PGPEP1L: variants seen among roughly 807,000 people sequenced by gnomAD.
The protein encoded by PGPEP1L is pyroglutamyl-peptidase I like.
A neutral mutation model predicts 6.0 loss-of-function variants in PGPEP1L; 7 were observed. That is an observed-to-expected ratio of 1.17 (90% CI 0.66 to 2.19). The LOEUF (loss-of-function observed/expected upper bound fraction) is 2.19. Among genes scored for constraint, PGPEP1L ranks in the 30% most tolerant of loss-of-function variants. PGPEP1L has a pLI of 0.00. For synonymous variants in PGPEP1L, 103 were observed against 83.9 expected, an observed-to-expected ratio of 1.23 and a Z score of -1.24; for missense variants, 209 against 192.5, an observed-to-expected ratio of 1.09 and a Z score of -0.51.
chr15:99,006,555 G>A lies in PGPEP1L; in HGVS notation c.-370+804C>T, dbSNP rs540701542. The stretch of plus-strand genomic sequence containing the variant: ...AAACAAAACAAACTTTTGGCCAGGT[G>A]CACTGGCTCACGCCTTTAATTTCAG... On this transcript the variant is annotated intron_variant, in intron 1 of 4. Coordinates refer to ENST00000535714, the MANE Select transcript of PGPEP1L (RefSeq NM_001167902.2). Among the ~76,000 whole-genome samples the A allele has an allele frequency of 1.2e-4, 18 of 152,372 alleles. No homozygotes were observed. The East Asian group carries it at 3.1e-3, about 26-fold the overall frequency.
rs1305056004 is a variant in PGPEP1L at position 99,007,517 on chromosome 15, T to G, written c.-528A>C. 3 of 152,246 alleles carry G rather than the reference T, an allele frequency of 2.0e-5. No homozygotes were observed. Among genetic ancestry groups the G allele is most frequent in the Admixed American group, 6.5e-5 (1 of 15,272 alleles). 9.4% of individuals were successfully genotyped at this position (152,246 alleles called of 1,614,324 possible). On this transcript the variant is annotated 5_prime_UTR_variant, in exon 1 of 5. Transcript: ENST00000535714. ...TCGCATGTGTTCGGAGTTTCTTCCT[T>G]CTGGCAGATTCGTGATCTCGCTGAC...
chr15:98,996,581 A>T (rs1248159741), intron 2 of PGPEP1L, among the ~76,000 whole-genome samples: 1 of 151,424 alleles, frequency 6.6e-6, no homozygotes, highest in East Asian at 1.9e-4. Flanking sequence ...TGCATGTATT[A>T]TGTGTGTTGT....
chr15:98,979,707 A>G (rs4966052), intron 2 of PGPEP1L, among the ~76,000 whole-genome samples: 128,311 of 143,558 alleles, frequency 0.89, 57,580 homozygotes, highest in South Asian at 0.94. Flanking sequence ...CTGGCGTGCC[A>G]TGGCACAATC....
At position 98,981,263 on chromosome 15, in the gene PGPEP1L, C is replaced by T. The variant is rs548945268; in HGVS notation, c.-141-10105G>A. On this transcript the variant is annotated intron_variant, in intron 2 of 4. Transcript: ENST00000535714. ...ATCCCAGCACTTTGGGAGGCCGAGGCGGGCGGATCACGAGGTCAGGAGATC... is the reference window on the plus strand; with the variant it reads ...ATCCCAGCACTTTGGGAGGCCGAGGTGGGCGGATCACGAGGTCAGGAGATC... Among the ~76,000 whole-genome samples, 51 of 152,064 alleles carry T rather than the reference C, an allele frequency of 3.4e-4. 3 individuals are homozygous for T. The South Asian group carries it at 9.2e-3, about 27-fold the overall frequency.
intron 2 of PGPEP1L, among the ~76,000 whole-genome samples, chr15:98,993,369 G>C (rs1403413872): frequency 1.3e-5 from 2 of 152,186 alleles, no homozygotes; most frequent in African/African-American, 2.4e-5. Context: ...CTGGTCATTA[G>C]AGAAATGCAC....
chr15:99,003,424 G>GC, intron 2 of PGPEP1L, among the ~76,000 whole-genome samples: 1 of 150,514 alleles, frequency 6.6e-6, no homozygotes, highest in African/African-American at 2.5e-5. Flanking sequence ...AACTTGGTCA[G>GC]CCCCCAGTGC....
chr15:98,992,706 G>C (rs1416741036), intron 2 of PGPEP1L, among the ~76,000 whole-genome samples: 1 of 152,142 alleles, frequency 6.6e-6, no homozygotes, highest in Non-Finnish European at 1.5e-5. Flanking sequence ...ATACTACAAG[G>C]CTGCAGTAAC....
At chr15:98,992,150 A>C (rs941814189) in intron 2 of PGPEP1L, among the ~76,000 whole-genome samples, 1 of 152,242 alleles carries the variant, frequency 6.6e-6, no homozygotes, top group Admixed American at 6.5e-5. Flanking sequence ...GAAGAGAAGA[A>C]GTCAAATTGT....
chr15:98,982,239 T>G (rs1423508129), intron 2 of PGPEP1L, among the ~76,000 whole-genome samples: 2 of 152,232 alleles, frequency 1.3e-5, no homozygotes, highest in African/African-American at 4.8e-5. Context: ...CCATCTGCAC[T>G]CGCCTCGATC....
At chr15:98,982,208 T>C (rs574750590) in intron 2 of PGPEP1L, among the ~76,000 whole-genome samples, 1 of 152,324 alleles carries the variant, frequency 6.6e-6, no homozygotes, top group South Asian at 2.1e-4. Context: ...CCGTGGGGTC[T>C]CCTCCACCAA....
intron 2 of PGPEP1L, among the ~76,000 whole-genome samples, chr15:99,003,657 A>G (rs2018006611): frequency 1.3e-5 from 2 of 151,196 alleles, no homozygotes; most frequent in Admixed American, 6.6e-5. Flanking sequence ...TGCCCCTGGC[A>G]GCTCTAAGCA....
intron 3 of PGPEP1L, among the ~76,000 whole-genome samples, chr15:98,970,058 T>G (rs1322792909): frequency 6.6e-6 from 1 of 152,154 alleles, no homozygotes; most frequent in East Asian, 1.9e-4. Context: ...TGTATTTATT[T>G]ATTTTTATGA....
At chr15:98,970,554 TG>T (rs957128663) in intron 3 of PGPEP1L, among the ~76,000 whole-genome samples, 13 of 141,008 alleles carry the variant, frequency 9.2e-5, no homozygotes, top group Admixed American at 2.9e-4. Flanking sequence ...GGGTTTTTTT[TG>T]GGGGGGTGGG....
intron 2 of PGPEP1L, among the ~76,000 whole-genome samples, chr15:98,999,580 T>C (rs182075007): frequency 2.1e-3 from 321 of 152,312 alleles, no homozygotes; most frequent in African/African-American, 7.4e-3. Flanking sequence ...GACATTTATC[T>C]CAGAGAAATG....
intron 2 of PGPEP1L, among the ~76,000 whole-genome samples, chr15:98,995,217 G>C (rs1185827404): frequency 1.3e-5 from 2 of 151,990 alleles, no homozygotes; most frequent in African/African-American, 4.8e-5. Flanking sequence ...TTTATTTTCT[G>C]TCTTCTTTCT....
chr15:98,993,806 A>AG (rs1470975333), intron 2 of PGPEP1L, among the ~76,000 whole-genome samples: 1 of 151,494 alleles, frequency 6.6e-6, no homozygotes, highest in African/African-American at 2.4e-5. Context: ...CATGTACCCC[A>AG]GAACTTAAAG....
At chr15:98,981,306 C>T (rs1014299448) in intron 2 of PGPEP1L, among the ~76,000 whole-genome samples, 6 of 151,846 alleles carry the variant, frequency 4.0e-5, no homozygotes, top group Non-Finnish European at 8.8e-5. Context: ...TCCTGGCTAA[C>T]ACAGTGAAAC....
chr15:98,994,679 C>A (rs2017864195), intron 2 of PGPEP1L, among the ~76,000 whole-genome samples: 1 of 152,214 alleles, frequency 6.6e-6, no homozygotes, highest in Non-Finnish European at 1.5e-5. Context: ...CCCCTCCTTG[C>A]ATTTCACACT....
At chr15:98,970,071 C>T (rs148370801) in intron 3 of PGPEP1L, among the ~76,000 whole-genome samples, 47 of 152,184 alleles carry the variant, frequency 3.1e-4, no homozygotes, top group African/African-American at 1.1e-3. Flanking sequence ...TTTTATGAGA[C>T]AGAGTCTGGC....
Sources: allele counts gnomAD v4.1 joint callset (sites outside exome capture counted in the v4.1 genomes callset), GRCh38; gene constraint gnomAD v4.1.1; transcripts MANE v1.5; gene names NCBI Gene and HGNC (gene_info 2026-07-23, HGNC 2026-07-21).